Variants in AGBL4 observed in about 807,000 individuals in gnomAD.
The protein encoded by AGBL4 is AGBL carboxypeptidase 4.
A neutral mutation model predicts 66.4 loss-of-function variants in AGBL4; 58 were observed. That is an observed-to-expected ratio of 0.87 (90% CI 0.71 to 1.09). The LOEUF is 1.09. Among genes scored for constraint, AGBL4 ranks in the 50% least tolerant of loss-of-function variants. The pLI is 0.00. For missense variants in AGBL4, 579 were observed against 631.0 expected (o/e 0.92, Z 0.88); for synonymous variants, 234 against 222.9 (o/e 1.05, Z -0.44).
chr1:49,658,450 C>T (rs973655023), intron 3 of AGBL4, among the ~76,000 whole-genome samples: 5 of 152,268 alleles, frequency 3.3e-5, no homozygotes, highest in Admixed American at 1.3e-4. Context: ...TTCAGTGTGG[C>T]GATTCCTCAG....
At chr1:49,394,449 T>C (rs1161642985) in intron 3 of AGBL4, among the ~76,000 whole-genome samples, 1 of 152,098 alleles carries the variant, frequency 6.6e-6, no homozygotes, top group East Asian at 1.9e-4. Context: ...ATCCAGTTTT[T>C]AAAGCTGAGC....
At chr1:49,277,425 T>A (rs1557794696) in intron 3 of AGBL4, among the ~76,000 whole-genome samples, 5 of 152,184 alleles carry the variant, frequency 3.3e-5, no homozygotes, top group Admixed American at 6.5e-5. Flanking sequence ...TTGATTTATT[T>A]GTTAAATGAA....
intron 4 of AGBL4, among the ~76,000 whole-genome samples, chr1:49,184,372 G>T (rs112904199): frequency 3.3e-5 from 5 of 152,288 alleles, no homozygotes; most frequent in African/African-American, 1.2e-4. Flanking sequence ...ATGCAAGAAT[G>T]TGGGGAAAAG....
chr1:49,032,388 G>A (rs1460912469), intron 5 of AGBL4, among the ~76,000 whole-genome samples: 1 of 152,202 alleles, frequency 6.6e-6, no homozygotes, highest in African/African-American at 2.4e-5. Flanking sequence ...CAGTAGAAGA[G>A]AATGACAAGG....
At chr1:49,372,810 G>T (rs1374820433) in intron 3 of AGBL4, among the ~76,000 whole-genome samples, 1 of 150,270 alleles carries the variant, frequency 6.7e-6, no homozygotes, top group Admixed American at 6.7e-5. Flanking sequence ...CTAGGCTGGA[G>T]TGCAGTGGCA....
intron 5 of AGBL4, among the ~76,000 whole-genome samples, chr1:48,950,444 T>G (rs1656880154): frequency 6.6e-6 from 1 of 152,186 alleles, no homozygotes; most frequent in Non-Finnish European, 1.5e-5. Context: ...GGAGATTAAG[T>G]AACTTGCTCA....
intron 1 of AGBL4, among the ~76,000 whole-genome samples, chr1:49,934,010 G>T (rs2148271435): frequency 6.6e-6 from 1 of 152,188 alleles, no homozygotes; most frequent in African/African-American, 2.4e-5. Flanking sequence ...GTCTACAAAA[G>T]ATTTATTTTA....
Position 49,522,702 on chromosome 1 carries a change from C to A in AGBL4, c.282+174611G>T, listed in dbSNP as rs187661958. On this transcript the variant is annotated intron_variant, in intron 3 of 13. Transcript: ENST00000371839. ...CCCTTTCACTTAGCTCCTGTAATTT[C>A]TTTCCTTAGAGCTAGACCATGATCT... Among the ~76,000 whole-genome samples the A allele has an allele frequency of 2.7e-4, 41 of 152,236 alleles. 1 individual carries two copies. Among genetic ancestry groups the A allele is most frequent in the Admixed American group, 5.9e-4 (9 of 15,288 alleles).
rs376488159 is a variant in AGBL4, at chr1:49,704,613, T to TA, written c.158-7177dup. On this transcript the variant is annotated intron_variant, in intron 2 of 13. Coordinates refer to ENST00000371839, the MANE Select transcript of AGBL4 (RefSeq NM_032785.4). Reference sequence around the variant, plus strand: ...CTTGAGCTAATTTTTGTATAAGGTGTAAAAAAGGGGTACAGTTTCAGTTTT... The same window carrying TA: ...CTTGAGCTAATTTTTGTATAAGGTGTAAAAAAAGGGGTACAGTTTCAGTTTT... Among the ~76,000 whole-genome samples, 1,259 of 152,226 alleles carry TA rather than the reference T, an allele frequency of 8.3e-3. 3 individuals carry two copies. The highest frequency in any genetic ancestry group is 0.014 in the Non-Finnish European group (928 of 67,996).
At chr1:49,968,066 T>C (rs1657721696) in intron 1 of AGBL4, among the ~76,000 whole-genome samples, 1 of 151,858 alleles carries the variant, frequency 6.6e-6, no homozygotes, top group Non-Finnish European at 1.5e-5. Flanking sequence ...TCTACTAAAA[T>C]ACAAAAATTA....
At chr1:49,387,936 C>T (rs931567885) in intron 3 of AGBL4, among the ~76,000 whole-genome samples, 1 of 151,944 alleles carries the variant, frequency 6.6e-6, no homozygotes, top group Non-Finnish European at 1.5e-5. Flanking sequence ...CCTAGTTCTG[C>T]CACTGTAGTC....
intron 3 of AGBL4, among the ~76,000 whole-genome samples, chr1:49,471,721 A>C (rs1331905033): frequency 6.6e-6 from 1 of 152,002 alleles, no homozygotes; most frequent in Non-Finnish European, 1.5e-5. Context: ...CCAACAAGAC[A>C]AGAAACTCTT....
intron 2 of AGBL4, among the ~76,000 whole-genome samples, chr1:49,830,591 T>G (rs1645643955): frequency 6.6e-6 from 1 of 152,204 alleles, no homozygotes; most frequent in South Asian, 2.1e-4. Context: ...TCCTTTGCTG[T>G]GCAGAAGCTC....
chr1:49,366,863 A>G (rs986528279), intron 3 of AGBL4, among the ~76,000 whole-genome samples: 1 of 152,176 alleles, frequency 6.6e-6, no homozygotes, highest in African/African-American at 2.4e-5. Flanking sequence ...GCTGATGCAG[A>G]ATTTTTGCTG....
chr1:48,595,011 G>GT (rs1644974645), intron 9 of AGBL4, among the ~76,000 whole-genome samples: 1 of 152,192 alleles, frequency 6.6e-6, no homozygotes, highest in South Asian at 2.1e-4. Flanking sequence ...TCAGACTGAT[G>GT]TAAGAGAGAA....
intron 3 of AGBL4, among the ~76,000 whole-genome samples, chr1:49,669,277 AG>A (rs1327666627): frequency 6.6e-6 from 1 of 152,150 alleles, no homozygotes; most frequent in Non-Finnish European, 1.5e-5. Flanking sequence ...GGGACAACTG[AG>A]GGTAGAAAGA....
At chr1:49,534,190 A>G (rs1651385696) in intron 3 of AGBL4, among the ~76,000 whole-genome samples, 1 of 150,048 alleles carries the variant, frequency 6.7e-6, no homozygotes, top group Admixed American at 6.6e-5. Flanking sequence ...AAAAAAAAAA[A>G]AAAAAGCACA....
At chr1:49,194,990 C>T (rs1205412408) in intron 4 of AGBL4, among the ~76,000 whole-genome samples, 1 of 151,990 alleles carries the variant, frequency 6.6e-6, no homozygotes, top group African/African-American at 2.4e-5. Context: ...GCATATACCA[C>T]CATAACTGGC....
At chr1:49,555,697 A>C (rs77625486) in intron 3 of AGBL4, among the ~76,000 whole-genome samples, 5 of 150,994 alleles carry the variant, frequency 3.3e-5, no homozygotes, top group East Asian at 1.9e-4. Flanking sequence ...AAAAAAAAAA[A>C]CCCATCAAAA....
Sources: gnomAD v4.1 joint callset for allele counts (sites outside exome capture counted in the v4.1 genomes callset) on GRCh38, gnomAD v4.1.1 for gene constraint, MANE v1.5 for transcripts, NCBI Gene and HGNC (gene_info 2026-07-23, HGNC 2026-07-21) for gene names.